Variants in ROS1 observed in about 807,000 individuals in gnomAD.
ROS1 encodes proto-oncogene tyrosine-protein kinase ROS.
Under a neutral mutation model 273.5 loss-of-function variants are expected in ROS1, and 263 were observed. The ratio of observed to expected loss-of-function variants is 0.96; its 90% confidence interval spans 0.87 to 1.06. ROS1 has a LOEUF of 1.06. Ranked by LOEUF, ROS1 falls within the 50% of genes least tolerant of loss-of-function variation. The pLI, the probability that ROS1 is intolerant of heterozygous loss-of-function variation, is 0.00. For missense variants in ROS1, 2,833 were observed against 2,751.1 expected (o/e 1.03, Z -0.67); for synonymous variants, 1,008 against 954.1 (o/e 1.06, Z -1.04).
intron 43 of ROS1, among the ~76,000 whole-genome samples, chr6:117,295,957 C>T (rs998507278): frequency 6.6e-6 from 1 of 152,146 alleles, no homozygotes; most frequent in African/African-American, 2.4e-5. Flanking sequence ...GAAAATAGAT[C>T]TGCCATTTGA....
intron 43 of ROS1, among the ~76,000 whole-genome samples, chr6:117,300,037 C>A (rs368862385): frequency 1.6e-3 from 229 of 147,422 alleles, no homozygotes; most frequent in African/African-American, 5.4e-3. Context: ...ATTCTCCTGC[C>A]TCAGCCTCCC....
intron 1 of ROS1, among the ~76,000 whole-genome samples, chr6:117,423,579 G>C (rs74567759): frequency 0.021 from 3,165 of 152,214 alleles, 112 homozygotes; most frequent in African/African-American, 0.072. Context: ...AGTACATGCA[G>C]ATCTCTGTTA....
chr6:117,323,723 T>C (rs116538089), intron 35 of ROS1, among the ~76,000 whole-genome samples: 1 of 152,226 alleles, frequency 6.6e-6, no homozygotes, highest in African/African-American at 2.4e-5. Context: ...GTAAATCTTC[T>C]TAGAAAAAAA....
chr6:117,299,880 CT>C (rs1774549345), intron 43 of ROS1, among the ~76,000 whole-genome samples: 1 of 151,030 alleles, frequency 6.6e-6, no homozygotes, highest in African/African-American at 2.4e-5. Context: ...AAGTAAAAGG[CT>C]TAGTCTGTCC....
intron 10 of ROS1, 43 bp downstream of exon 10, chr6:117,394,573 C>T (rs1401871148): frequency 1.4e-5 from 21 of 1,457,616 alleles, no homozygotes; most frequent in Non-Finnish European, 1.8e-5. Flanking sequence ...CTTTTAGAAT[C>T]TTCTTTTCAC....
chr6:117,413,203 G>C (rs907580514), intron 4 of ROS1, among the ~76,000 whole-genome samples: 1 of 152,140 alleles, frequency 6.6e-6, no homozygotes, highest in Non-Finnish European at 1.5e-5. Context: ...AATTTATACT[G>C]CTTCCCCAGG....
intron 37 of ROS1, 43 bp downstream of exon 37, chr6:117,319,825 T>A (rs1276963338): frequency 6.5e-7 from 1 of 1,548,188 alleles, no homozygotes. Context: ...TCTTTGTAGA[T>A]ATGGTGATAT....
At chr6:117,422,167 G>A (rs939200460) in intron 1 of ROS1, among the ~76,000 whole-genome samples, 4 of 151,972 alleles carry the variant, frequency 2.6e-5, no homozygotes, top group African/African-American at 4.8e-5. Flanking sequence ...ATGCCACCAC[G>A]CCTAGCTAAT....
intron 43 of ROS1, among the ~76,000 whole-genome samples, chr6:117,297,580 A>T (rs193092627): frequency 1.2e-4 from 19 of 152,332 alleles, no homozygotes; most frequent in Non-Finnish European, 4.4e-5. Context: ...ATGTTTTATC[A>T]AAAGAAGACA....
intron 1 of ROS1, among the ~76,000 whole-genome samples, chr6:117,423,818 G>A (rs918109339): frequency 1.4e-4 from 21 of 151,940 alleles, no homozygotes; most frequent in African/African-American, 5.1e-4. Context: ...TAATAAACTT[G>A]AGCACTTTGT....
intron 27 of ROS1, among the ~76,000 whole-genome samples, chr6:117,347,235 T>C (rs1778453054): frequency 1.3e-5 from 2 of 152,168 alleles, no homozygotes; most frequent in South Asian, 4.1e-4. Flanking sequence ...CTTTGATTTC[T>C]TTCATCAGGG....
In ROS1 at chr6:117,407,553, G is replaced by A. The variant is rs375065720; in HGVS notation, c.316+2029C>T. On this transcript the variant is annotated intron_variant, in intron 5 of 43. Transcript: ENST00000368507. Reference sequence around the variant, plus strand: ...TTTTGGGGAGTCATACACACAGTACGCACTCTATAGGATAACTTTTAGCTG... The same window carrying A: ...TTTTGGGGAGTCATACACACAGTACACACTCTATAGGATAACTTTTAGCTG... 1.7e-4 allele frequency among the ~76,000 whole-genome samples: 26 copies of A among 152,168 alleles called. No homozygotes were observed. The East Asian group carries it at 3.1e-3, about 18-fold the overall frequency.
chr6:117,309,994 T>TA (rs1775411886), intron 41 of ROS1, 87 bp downstream of exon 41: 2 of 1,223,288 alleles, frequency 1.6e-6, no homozygotes, highest in Non-Finnish European at 1.2e-6. Flanking sequence ...TTTCTCACAT[T>TA]AAAAAAGCAA....
chr6:117,419,244 A>C (rs368048213), intron 1 of ROS1, among the ~76,000 whole-genome samples: 1 of 152,184 alleles, frequency 6.6e-6, no homozygotes, highest in African/African-American at 2.4e-5. Flanking sequence ...GCCTGCTAGA[A>C]ACAGGTGTTC....
In ROS1 at chr6:117,423,702, C is replaced by CTT. The variant is rs564177817; in HGVS notation, c.123+1830_123+1831dup. Among the ~76,000 whole-genome samples the CTT allele has an allele frequency of 3.7e-3, 545 of 147,330 alleles. 3 individuals carry two copies. Among genetic ancestry groups the CTT allele is most frequent in the African/African-American group, 0.013 (508 of 40,498 alleles). ...TTTGGACAAGACATTCTTGTGGTGACTTTTTTTTTTTAAGAAAACATTTCT... is the reference window on the plus strand; with the variant it reads ...TTTGGACAAGACATTCTTGTGGTGACTTTTTTTTTTTTTAAGAAAACATTTCT... On this transcript the variant is annotated intron_variant, in intron 1 of 43. Transcript: ENST00000368507.
intron 10 of ROS1, 94 bp downstream of exon 10, chr6:117,394,522 C>T: frequency 9.4e-7 from 1 of 1,066,248 alleles, no homozygotes; most frequent in African/African-American, 1.6e-5. Context: ...AGAATATGTT[C>T]CAGAAATATT....
rs2128622046 is a variant in ROS1 at position 117,341,290 on chromosome 6, C to T, written c.4906G>A (p.Glu1636Lys). 1 of 1,613,228 alleles carries T rather than the reference C, an allele frequency of 6.2e-7. No homozygotes were observed. Among genetic ancestry groups the T allele is most frequent in the South Asian group, 1.1e-5 (1 of 90,940 alleles). ...GGATGACTCTCTGTACACCACATTTCCTCAGAGTGGCAGGCAAGAACCTTT... is the reference window on the plus strand; with the variant it reads ...GGATGACTCTCTGTACACCACATTTTCTCAGAGTGGCAGGCAAGAACCTTT... Reference protein sequence around the residue: ...VLKVLACHSEEMWCTESHPVT... With the variant: ...VLKVLACHSEKMWCTESHPVT... Residue 1636 changes from glutamate to lysine, a missense_variant, in exon 31 of 44, where the codon GAA becomes AAA. Coordinates refer to ENST00000368507, the MANE Select transcript of ROS1 (RefSeq NM_001378902.1).
At chr6:117,353,942 A>T (rs1779084402) in intron 26 of ROS1, among the ~76,000 whole-genome samples, 1 of 152,178 alleles carries the variant, frequency 6.6e-6, no homozygotes, top group African/African-American at 2.4e-5. Flanking sequence ...TATGGGGGCA[A>T]TATTTAAGAG....
chr6:117,387,047 C>A, intron 14 of ROS1, 48 bp from the exon 15 acceptor site: 1 of 1,032,962 alleles, frequency 9.7e-7, no homozygotes, highest in Non-Finnish European at 1.5e-6. Flanking sequence ...AAAGCAAACT[C>A]TTTAAAGGTA....
Sources: gnomAD v4.1 joint callset for allele counts (sites outside exome capture counted in the v4.1 genomes callset) on GRCh38, gnomAD v4.1.1 for gene constraint, MANE v1.5 for transcripts, NCBI Gene and HGNC (gene_info 2026-07-23, HGNC 2026-07-21) for gene names.